HS6ST3: variants seen among roughly 807,000 people sequenced by gnomAD.
HS6ST3 encodes the protein heparan sulfate 6-O-sulfotransferase 3, also known as heparan-sulfate 6-O-sulfotransferase 3.
In HS6ST3, 12 loss-of-function variants were observed where a neutral mutation model predicts 36.7. The observed-to-expected ratio is 0.33, with a 90% CI of 0.21 to 0.53. The LOEUF (loss-of-function observed/expected upper bound fraction) is 0.53. Ranked by LOEUF, HS6ST3 falls within the 20% of genes least tolerant of loss-of-function variation. The pLI, the probability that HS6ST3 is intolerant of heterozygous loss-of-function variation, is 0.95. For missense variants in HS6ST3, 584 were observed against 640.9 expected (o/e 0.91, Z 0.96); for synonymous variants, 240 against 257.5 (o/e 0.93, Z 0.65).
chr13:96,445,251 A>C (rs2055692527), intron 1 of HS6ST3, among the ~76,000 whole-genome samples: 1 of 152,328 alleles, frequency 6.6e-6, no homozygotes, highest in South Asian at 2.1e-4. Flanking sequence ...AAAACATTGA[A>C]GCTATTACAA....
At chr13:96,304,445 A>G (rs2139405438) in intron 1 of HS6ST3, among the ~76,000 whole-genome samples, 1 of 152,224 alleles carries the variant, frequency 6.6e-6, no homozygotes, top group South Asian at 2.1e-4. Context: ...TATTTATTAT[A>G]CATTAGTGCC....
intron 1 of HS6ST3, among the ~76,000 whole-genome samples, chr13:96,640,975 C>T (rs1397337989): frequency 6.6e-6 from 1 of 151,942 alleles, no homozygotes; most frequent in East Asian, 1.9e-4. Context: ...AGTCTGAAGT[C>T]AGGTGATATG....
At chr13:96,287,504 A>G (rs1234015755) in intron 1 of HS6ST3, among the ~76,000 whole-genome samples, 1 of 152,228 alleles carries the variant, frequency 6.6e-6, no homozygotes, top group African/African-American at 2.4e-5. Context: ...TGAACATTTT[A>G]AAATGGAATA....
intron 1 of HS6ST3, among the ~76,000 whole-genome samples, chr13:96,826,420 T>A (rs1012860340): frequency 6.6e-6 from 1 of 152,204 alleles, no homozygotes; most frequent in African/African-American, 2.4e-5. Context: ...CATAGCAATT[T>A]TTTTTTAATA....
At chr13:96,526,387 C>T (rs2056114670) in intron 1 of HS6ST3, among the ~76,000 whole-genome samples, 1 of 152,106 alleles carries the variant, frequency 6.6e-6, no homozygotes, top group Non-Finnish European at 1.5e-5. Context: ...AGAATTATTT[C>T]CTCTAATCAG....
intron 1 of HS6ST3, among the ~76,000 whole-genome samples, chr13:96,698,950 T>A (rs1481031894): frequency 2.6e-5 from 4 of 152,040 alleles, no homozygotes; most frequent in African/African-American, 9.7e-5. Context: ...ATGCTGCATA[T>A]CTACAACTAT....
At chr13:96,772,966 C>T (rs7992840) in intron 1 of HS6ST3, among the ~76,000 whole-genome samples, 5,692 of 152,124 alleles carry the variant, frequency 0.037, 359 homozygotes, top group African/African-American at 0.13. Context: ...ACTGAGGTAC[C>T]CAGGTCATCT....
intron 1 of HS6ST3, among the ~76,000 whole-genome samples, chr13:96,690,117 G>A (rs1038789003): frequency 3.3e-5 from 5 of 152,052 alleles, no homozygotes; most frequent in Admixed American, 3.3e-4. Flanking sequence ...TTACAAGGGG[G>A]TTTTATACCA....
At position 96,273,697 on chromosome 13, in the gene HS6ST3, G is replaced by A. The variant is rs576746026; in HGVS notation, c.707+182128G>A. Among the ~76,000 whole-genome samples the A allele has an allele frequency of 3.3e-5, 5 of 150,376 alleles. No homozygotes were observed. In the South Asian group the frequency reaches 6.2e-4, roughly 19 times the overall value. ...GCTTTTCATTGAGTGTGCAAGTATC[G>A]GTTAGGTTTCAAATAACAGAAACTC... On this transcript the variant is annotated intron_variant, in intron 1 of 1. Transcript: ENST00000376705.
intron 1 of HS6ST3, among the ~76,000 whole-genome samples, chr13:96,119,674 G>A (rs1211105638): frequency 6.6e-6 from 1 of 152,062 alleles, no homozygotes; most frequent in African/African-American, 2.4e-5. Context: ...AATTAATCTT[G>A]AAGACTGTGA....
chr13:96,185,630 C>T (rs2054261516), intron 1 of HS6ST3, among the ~76,000 whole-genome samples: 1 of 152,210 alleles, frequency 6.6e-6, no homozygotes, highest in Non-Finnish European at 1.5e-5. Context: ...AAGTTTACTG[C>T]ATTTTCTCCT....
At chr13:96,613,164 G>T (rs750028392) in intron 1 of HS6ST3, among the ~76,000 whole-genome samples, 6 of 152,246 alleles carry the variant, frequency 3.9e-5, no homozygotes, top group Non-Finnish European at 7.4e-5. Context: ...CAGGTGTATA[G>T]GTTGGTCTCT....
At chr13:96,484,103 T>C (rs1418919323) in intron 1 of HS6ST3, among the ~76,000 whole-genome samples, 1 of 151,500 alleles carries the variant, frequency 6.6e-6, no homozygotes, top group African/African-American at 2.4e-5. Context: ...CATTGATTTG[T>C]CTATTCTTTT....
At chr13:96,377,423 G>C (rs1207692931) in intron 1 of HS6ST3, among the ~76,000 whole-genome samples, 1 of 152,114 alleles carries the variant, frequency 6.6e-6, no homozygotes, top group African/African-American at 2.4e-5. Context: ...CTTTTTAAGA[G>C]AATATAGCTT....
At chr13:96,210,035 G>T (rs887760017) in intron 1 of HS6ST3, among the ~76,000 whole-genome samples, 1 of 152,136 alleles carries the variant, frequency 6.6e-6, no homozygotes, top group Non-Finnish European at 1.5e-5. Flanking sequence ...CAGAGTAGAT[G>T]CTCAGTGAAT....
chr13:96,357,770 C>T (rs1483762068), intron 1 of HS6ST3, among the ~76,000 whole-genome samples: 1 of 152,126 alleles, frequency 6.6e-6, no homozygotes, highest in African/African-American at 2.4e-5. Flanking sequence ...CATCCTCCTG[C>T]CTTGGCCTCT....
At chr13:96,279,087 C>T (rs756201050) in intron 1 of HS6ST3, among the ~76,000 whole-genome samples, 6 of 152,094 alleles carry the variant, frequency 3.9e-5, no homozygotes, top group Non-Finnish European at 7.4e-5. Context: ...ACAGATAATA[C>T]ATTAAACCAT....
intron 1 of HS6ST3, among the ~76,000 whole-genome samples, chr13:96,704,004 C>T (rs188024591): frequency 2.6e-5 from 4 of 152,284 alleles, no homozygotes; most frequent in Non-Finnish European, 5.9e-5. Context: ...CCTGAGGCCT[C>T]CCCAGCCATG....
chr13:96,549,318 A>G (rs1489803869), intron 1 of HS6ST3, among the ~76,000 whole-genome samples: 4 of 152,186 alleles, frequency 2.6e-5, no homozygotes, highest in Non-Finnish European at 5.9e-5. Flanking sequence ...GTTGAATGCA[A>G]GCGTTCATCT....
Sources: allele counts gnomAD v4.1 joint callset (sites outside exome capture counted in the v4.1 genomes callset), GRCh38; gene constraint gnomAD v4.1.1; transcripts MANE v1.5; gene names NCBI Gene and HGNC (gene_info 2026-07-23, HGNC 2026-07-21).